The following KCNK13 variants were observed in gnomAD, a reference collection of about 807,000 sequenced individuals.
KCNK13 encodes potassium channel subfamily K member 13.
A neutral mutation model predicts 23.4 loss-of-function variants in KCNK13; 12 were observed. That is an observed-to-expected ratio of 0.51 (90% CI 0.33 to 0.83). The LOEUF (loss-of-function observed/expected upper bound fraction) is 0.83, where lower values mean the gene tolerates loss of function less well. KCNK13 is among the 40% of genes least tolerant of loss of function. The pLI, the probability that KCNK13 is intolerant of heterozygous loss-of-function variation, is 0.02. For missense variants in KCNK13, 463 were observed against 556.3 expected (o/e 0.83, Z 1.69); for synonymous variants, 231 against 229.5 (o/e 1.01, Z -0.06).
Position 90,184,388 on chromosome 14 carries a change from C to T in KCNK13, c.612C>T (p.Ala204=), listed in dbSNP as rs557098799. ...VYYVMLILCT[A]SILISCCASA... is the part of the protein sequence containing the mutation. ...ACGTCATGCTGATCCTATGCACAGC[C>T]TCCATCCTCATCTCTTGCTGCGCCT... Residue 204 remains alanine (A), a synonymous_variant, in exon 2 of 2, where the codon GCC becomes GCT. Transcript: ENST00000282146. The surrounding 1 kb of genome is among the most constrained non-coding windows in gnomAD (Gnocchi z 5.6). The T allele has an allele frequency of 3.1e-6, 5 of 1,614,252 alleles. No individual in the cohort carries two copies. Among genetic ancestry groups the T allele is most frequent in the Admixed American group, 1.7e-5 (1 of 60,032 alleles).
chr14:90,128,259 A>G (rs564503718), intron 1 of KCNK13, among the ~76,000 whole-genome samples: 4 of 152,282 alleles, frequency 2.6e-5, no homozygotes, highest in East Asian at 3.9e-4. Flanking sequence ...AAGATTTACA[A>G]TTTTCTAAGC....
At chr14:90,157,771 G>A (rs560891413) in intron 1 of KCNK13, among the ~76,000 whole-genome samples, 5 of 141,128 alleles carry the variant, frequency 3.5e-5, no homozygotes, top group South Asian at 2.3e-4. Context: ...GCCTGATCTC[G>A]GCTCACTGCA....
Position 90,184,846 on chromosome 14 carries a change from A to G in KCNK13, c.1070A>G (p.Lys357Arg), listed in dbSNP as rs149652371. 8.7e-6 allele frequency: 14 copies of G among 1,613,744 alleles called. No individual in the cohort carries two copies. In the African/African-American group the frequency reaches 1.7e-4, roughly 20 times the overall value. ...ATGAAGGACTTGCTGGCAGCCAACA[A>G]GGCCTCGTTGGCCATCCTGCAGAAG... ...ISMKDLLAAN[K>R]ASLAILQKQL... The change falls in exon 2 of 2, where the codon AAG becomes AGG. Residue 357 changes from lysine (K) to arginine (R), a missense_variant. Coordinates refer to ENST00000282146, the MANE Select transcript of KCNK13 (RefSeq NM_022054.4). This position sits in a 1 kb window ranked among gnomAD's most constrained non-coding sequence, Gnocchi z 5.6.
chr14:90,139,903 A>G (rs765346035), intron 1 of KCNK13, among the ~76,000 whole-genome samples: 1 of 151,934 alleles, frequency 6.6e-6, no homozygotes, highest in Non-Finnish European at 1.5e-5. Context: ...TGGAGGTTGC[A>G]GTGACCCGAG....
At position 90,107,556 on chromosome 14, in the gene KCNK13, T is replaced by C. The variant is rs538533281; in HGVS notation, c.334+45017T>C. On this transcript the variant is annotated intron_variant, in intron 1 of 1. Coordinates refer to ENST00000282146, the MANE Select transcript of KCNK13 (RefSeq NM_022054.4). ...GCCTGCCTGGAAATTTCAGTAAACA[T>C]TACGATTGTGCAAAAGTAAAGAGTG... The C allele has an allele frequency of 1.4e-5, 6 of 443,842 alleles. No individual in the cohort carries two copies. In the East Asian group the frequency reaches 2.8e-4, roughly 21 times the overall value. The allele number at this position is 443,842 out of a possible 1,614,324, so 27.5% of individuals were successfully genotyped here.
chr14:90,175,613 A>G (rs1336881965), intron 1 of KCNK13, among the ~76,000 whole-genome samples: 1 of 152,200 alleles, frequency 6.6e-6, no homozygotes, highest in East Asian at 1.9e-4. Flanking sequence ...GAGGAGGAAG[A>G]TAGAGGGAAA....
chr14:90,165,306 G>GTCCCA (rs1890291099), intron 1 of KCNK13, among the ~76,000 whole-genome samples: 2 of 152,212 alleles, frequency 1.3e-5, no homozygotes, highest in East Asian at 3.9e-4. Context: ...ATCAGGGTGG[G>GTCCCA]GCTGGGACCC....
chr14:90,087,850 A>G (rs1020284876), intron 1 of KCNK13, among the ~76,000 whole-genome samples: 1 of 152,130 alleles, frequency 6.6e-6, no homozygotes, highest in Admixed American at 6.5e-5. Flanking sequence ...CTTCTCAGCT[A>G]GTGATGATGT....
intron 1 of KCNK13, among the ~76,000 whole-genome samples, chr14:90,153,861 G>A (rs72699127): frequency 0.079 from 12,094 of 152,208 alleles, 561 homozygotes; most frequent in East Asian, 0.18. Flanking sequence ...TCCCAAGAGC[G>A]GTGACACCTG....
intron 1 of KCNK13, among the ~76,000 whole-genome samples, chr14:90,083,193 T>C (rs563827573): frequency 7.2e-5 from 11 of 152,334 alleles, no homozygotes; most frequent in African/African-American, 2.6e-4. Context: ...TTGCAAATAT[T>C]TCCCCCTTCT....
intron 1 of KCNK13, among the ~76,000 whole-genome samples, chr14:90,138,906 G>A (rs1458155519): frequency 6.6e-6 from 1 of 152,184 alleles, no homozygotes; most frequent in Non-Finnish European, 1.5e-5. Flanking sequence ...AGAAGAAATG[G>A]CCAGGGGAAG....
intron 1 of KCNK13, among the ~76,000 whole-genome samples, chr14:90,095,424 C>T (rs1166829769): frequency 6.6e-6 from 1 of 152,160 alleles, no homozygotes; most frequent in East Asian, 1.9e-4. Flanking sequence ...CTTCCTAAAG[C>T]GATTCTGATT....
At chr14:90,147,287 C>T (rs977388129) in intron 1 of KCNK13, among the ~76,000 whole-genome samples, 1 of 152,168 alleles carries the variant, frequency 6.6e-6, no homozygotes, top group Non-Finnish European at 1.5e-5. Flanking sequence ...GGGTCTCACT[C>T]TGTCACCCAG....
rs184912015 is a variant in KCNK13, at chr14:90,142,418, A to G, written c.335-41693A>G. Among the ~76,000 whole-genome samples, 529 of 137,602 alleles carry G rather than the reference A, an allele frequency of 3.8e-3. 6 individuals are homozygous for G. Among genetic ancestry groups the G allele is most frequent in the African/African-American group, 0.014 (503 of 36,012 alleles). The allele number at this position is 137,602 out of a possible 152,430, so 90.3% of individuals were successfully genotyped here. A position where few individuals can be genotyped will look rare whatever the true frequency, so the allele number is the denominator to read the frequency against. On this transcript the variant is annotated intron_variant, in intron 1 of 1. Coordinates refer to ENST00000282146, the MANE Select transcript of KCNK13 (RefSeq NM_022054.4). ...ACTGCAAGCTCCGCCTCCCAGGTTC[A>G]TGCCATTCTCGTGCCTCAGCCTCCC...
At chr14:90,063,814 T>C (rs960395429) in intron 1 of KCNK13, among the ~76,000 whole-genome samples, 2 of 152,164 alleles carry the variant, frequency 1.3e-5, no homozygotes, top group Non-Finnish European at 2.9e-5. Context: ...TTCCCAGGGC[T>C]AGTCCAGGAA....
intron 1 of KCNK13, among the ~76,000 whole-genome samples, chr14:90,098,157 T>A (rs1309212325): frequency 6.6e-6 from 1 of 152,180 alleles, no homozygotes; most frequent in Non-Finnish European, 1.5e-5. Flanking sequence ...AAATGTGAAT[T>A]CAGAAAACCT....
intron 1 of KCNK13, among the ~76,000 whole-genome samples, chr14:90,159,623 C>T (rs934525248): frequency 6.6e-6 from 1 of 152,314 alleles, no homozygotes; most frequent in East Asian, 1.9e-4. Context: ...ATGTCAATCA[C>T]AGCCTCCCCT....
At chr14:90,109,101 C>T (rs866287551) in intron 1 of KCNK13, among the ~76,000 whole-genome samples, 9 of 151,228 alleles carry the variant, frequency 6.0e-5, no homozygotes, top group African/African-American at 1.7e-4. Context: ...GGCGTGAACC[C>T]GGGAGGCGGA....
chr14:90,159,230 C>G (rs1890226515), intron 1 of KCNK13, among the ~76,000 whole-genome samples: 1 of 152,182 alleles, frequency 6.6e-6, no homozygotes, highest in Non-Finnish European at 1.5e-5. Flanking sequence ...CTAAACACTT[C>G]CCATTCGGCC....
Sources: allele counts gnomAD v4.1 joint callset (sites outside exome capture counted in the v4.1 genomes callset), GRCh38; gene constraint gnomAD v4.1.1; non-coding constraint Gnocchi (gnomAD v3.1); transcripts MANE v1.5; gene names NCBI Gene and HGNC (gene_info 2026-07-23, HGNC 2026-07-21).